ELOVL7: variants seen among roughly 807,000 people sequenced by gnomAD.
ELOVL7 encodes the protein very long chain fatty acid elongase 7.
A neutral mutation model predicts 35.7 loss-of-function variants in ELOVL7; 27 were observed. That is an observed-to-expected ratio of 0.76 (90% CI 0.56 to 1.04). ELOVL7 has a LOEUF of 1.04. ELOVL7 is among the 50% of genes least tolerant of loss of function. The pLI is 0.00. For synonymous variants in ELOVL7, 113 were observed against 114.6 expected, an observed-to-expected ratio of 0.99 and a Z score of 0.09; for missense variants, 327 against 340.8, an observed-to-expected ratio of 0.96 and a Z score of 0.32.
intron 7 of ELOVL7, among the ~76,000 whole-genome samples, chr5:60,761,997 T>A (rs111545786): frequency 1.3e-5 from 2 of 152,068 alleles, no homozygotes; most frequent in Non-Finnish European, 2.9e-5. Flanking sequence ...ATATTATGGC[T>A]AGGGGTCATG....
In ELOVL7 at chr5:60,771,906, A is replaced by C. The variant is rs969911390; in HGVS notation, c.252T>G (p.Tyr84Ter). ...FIVLFSVYMC[Y>*]EFVMSGWGIG... ...TAGGAATACTGAAGACACTTGCCTC[A>C]TAACACATATACACAGAAAAGAGTA... Residue 84 changes from tyrosine (Y) to a stop codon, truncating the protein, a stop_gained, in exon 4 of 9, where the codon TAT becomes TAG. Transcript: ENST00000508821. LOFTEE classifies it high-confidence loss of function. 5.6e-6 allele frequency: 9 copies of C among 1,596,684 alleles called. No homozygotes were observed. The highest frequency in any genetic ancestry group is 6.8e-6 in the Non-Finnish European group (8 of 1,170,530).
At chr5:60,835,191 A>G (rs1287760045) in intron 1 of ELOVL7, among the ~76,000 whole-genome samples, 8 of 122,966 alleles carry the variant, frequency 6.5e-5, no homozygotes, top group South Asian at 2.4e-4. Flanking sequence ...TCCCATCTTG[A>G]AAAAAAAAAA....
chr5:60,830,613 T>C (rs185721461), intron 1 of ELOVL7, among the ~76,000 whole-genome samples: 2,844 of 149,030 alleles, frequency 0.019, 35 homozygotes, highest in Non-Finnish European at 0.022. Context: ...TTCTTTCTTT[T>C]TTTTTTTTTT....
In ELOVL7 at chr5:60,843,640, T is replaced by TG. The variant is rs889751820; in HGVS notation, c.-86+519dup. 233 of 152,278 alleles carry TG rather than the reference T, an allele frequency of 1.5e-3. 3 individuals carry two copies. Among genetic ancestry groups the TG allele is most frequent in the African/African-American group, 5.3e-3 (218 of 41,502 alleles). 9.4% of individuals were successfully genotyped at this position (152,278 alleles called of 1,614,324 possible). Reference sequence around the variant, plus strand: ...ACAGAAAGAAAGGGGCTCCGGAATTTGGGGGGGTGGCTAGCGAGGCCAGAC... The same window carrying TG: ...ACAGAAAGAAAGGGGCTCCGGAATTTGGGGGGGGTGGCTAGCGAGGCCAGAC... On this transcript the variant is annotated intron_variant, in intron 1 of 8. Coordinates refer to ENST00000508821, the MANE Select transcript of ELOVL7 (RefSeq NM_024930.3).
In ELOVL7 at chr5:60,771,773, C is replaced by T. The variant is rs556407440; in HGVS notation, c.255+130G>A. On this transcript the variant is annotated intron_variant, in intron 4 of 8. Coordinates refer to ENST00000508821, the MANE Select transcript of ELOVL7 (RefSeq NM_024930.3). ...ATACCTAACACTATTTTGGCAAATACCTGCTCTAGTGAGATCAGTTTCTTA... is the reference window on the plus strand; with the variant it reads ...ATACCTAACACTATTTTGGCAAATATCTGCTCTAGTGAGATCAGTTTCTTA... 139 of 633,360 alleles carry T rather than the reference C, an allele frequency of 2.2e-4. No individual in the cohort carries two copies. In the South Asian group the frequency reaches 3.7e-3, roughly 17 times the overall value. The allele number at this position is 633,360 out of a possible 1,614,324, so 39.2% of individuals were successfully genotyped here. A position where few individuals can be genotyped will look rare whatever the true frequency, so the allele number is the denominator to read the frequency against.
intron 1 of ELOVL7, among the ~76,000 whole-genome samples, chr5:60,833,001 C>T (rs1406529257): frequency 2.0e-5 from 3 of 152,138 alleles, no homozygotes; most frequent in Non-Finnish European, 4.4e-5. Context: ...AGTTTCTGTA[C>T]TTGTAACATG....
intron 6 of ELOVL7, among the ~76,000 whole-genome samples, chr5:60,765,532 A>G (rs1742183188): frequency 1.3e-5 from 2 of 152,204 alleles, no homozygotes; most frequent in African/African-American, 2.4e-5. Context: ...TGGAACCACC[A>G]GAATACAGGC....
chr5:60,836,933 A>T (rs1746832014), intron 1 of ELOVL7, among the ~76,000 whole-genome samples: 1 of 151,908 alleles, frequency 6.6e-6, no homozygotes, highest in African/African-American at 2.4e-5. Flanking sequence ...GGCCTCCTAT[A>T]TTCTCAAAAA....
chr5:60,826,509 G>A (rs1746180434), intron 1 of ELOVL7, among the ~76,000 whole-genome samples: 1 of 152,076 alleles, frequency 6.6e-6, no homozygotes, highest in Non-Finnish European at 1.5e-5. Flanking sequence ...TTATGGCTAT[G>A]GATCTTTGCC....
At chr5:60,797,439 T>C (rs898413282) in intron 2 of ELOVL7, among the ~76,000 whole-genome samples, 1 of 152,202 alleles carries the variant, frequency 6.6e-6, no homozygotes, top group Non-Finnish European at 1.5e-5. Flanking sequence ...GAAAGTTTTG[T>C]CTTAGCTTTT....
chr5:60,806,761 G>A (rs1164719222), intron 1 of ELOVL7, among the ~76,000 whole-genome samples: 1 of 152,038 alleles, frequency 6.6e-6, no homozygotes, highest in Non-Finnish European at 1.5e-5. Flanking sequence ...TATGTTCACA[G>A]GGAGGCAGCC....
intron 1 of ELOVL7, among the ~76,000 whole-genome samples, chr5:60,802,369 T>C (rs1229105320): frequency 1.3e-5 from 2 of 152,086 alleles, no homozygotes; most frequent in Non-Finnish European, 1.5e-5. Context: ...GAGAATCTTT[T>C]CTTAATGCTT....
intron 4 of ELOVL7, 71 bp from the exon 5 acceptor site, chr5:60,767,974 T>C (rs1742349470): frequency 2.5e-6 from 3 of 1,177,888 alleles, no homozygotes; most frequent in Non-Finnish European, 2.6e-6. Flanking sequence ...GTAGTTTTGA[T>C]AGTGTCTCTT....
chr5:60,757,705 A>C, intron 7 of ELOVL7, 60 bp from the exon 8 acceptor site: 1 of 1,411,268 alleles, frequency 7.1e-7, no homozygotes, highest in Non-Finnish European at 9.5e-7. Context: ...CCACATTTTC[A>C]TCTGAACTGA....
chr5:60,763,944 T>C (rs1031321580), intron 7 of ELOVL7, among the ~76,000 whole-genome samples: 2 of 152,102 alleles, frequency 1.3e-5, no homozygotes, highest in African/African-American at 4.8e-5. Context: ...TTTAAAGATA[T>C]TTAATAAACC....
At chr5:60,838,750 G>T (rs1470368713) in intron 1 of ELOVL7, among the ~76,000 whole-genome samples, 1 of 152,210 alleles carries the variant, frequency 6.6e-6, no homozygotes, top group African/African-American at 2.4e-5. Flanking sequence ...TGAGTCAGGT[G>T]TGGTGGCTCC....
chr5:60,776,584 T>C (rs931366271), intron 3 of ELOVL7, among the ~76,000 whole-genome samples: 1 of 152,182 alleles, frequency 6.6e-6, no homozygotes, highest in Non-Finnish European at 1.5e-5. Flanking sequence ...ATGAACGTAG[T>C]TGGAGACCAT....
intron 1 of ELOVL7, among the ~76,000 whole-genome samples, chr5:60,829,805 C>T (rs1289102519): frequency 2.0e-5 from 3 of 152,160 alleles, no homozygotes; most frequent in Non-Finnish European, 4.4e-5. Context: ...CAATATCTTA[C>T]ATCACTTTCA....
chr5:60,780,788 T>G (rs999841772), intron 3 of ELOVL7, among the ~76,000 whole-genome samples: 3 of 152,122 alleles, frequency 2.0e-5, no homozygotes, highest in Admixed American at 6.5e-5. Flanking sequence ...ATGGGGGAAC[T>G]GCGCCCATGA....
Sources: allele counts gnomAD v4.1 joint callset (sites outside exome capture counted in the v4.1 genomes callset), GRCh38; gene constraint gnomAD v4.1.1; transcripts MANE v1.5; gene names NCBI Gene and HGNC (gene_info 2026-07-23, HGNC 2026-07-21).